The following GPHN variants were observed in gnomAD, a reference collection of about 807,000 sequenced individuals.
The protein encoded by GPHN is gephyrin.
Under a neutral mutation model 95.5 loss-of-function variants are expected in GPHN, and 17 were observed. That is an observed-to-expected ratio of 0.18 (90% CI 0.12 to 0.27). The LOEUF is 0.27. Among genes scored for constraint, GPHN ranks in the 10% least tolerant of loss-of-function variants. The pLI is 1.00. For synonymous variants in GPHN, 320 were observed against 322.5 expected, an observed-to-expected ratio of 0.99 and a Z score of 0.08; for missense variants, 660 against 978.1, an observed-to-expected ratio of 0.67 and a Z score of 4.34.
At chr14:66,864,858 G>A (rs2063168716) in intron 4 of GPHN, among the ~76,000 whole-genome samples, 1 of 152,062 alleles carries the variant, frequency 6.6e-6, no homozygotes, top group African/African-American at 2.4e-5. Context: ...GCCAAGGTGT[G>A]GAATCAACCT....
chr14:67,153,614 T>C (rs569074486), intron 18 of GPHN, among the ~76,000 whole-genome samples: 1 of 152,192 alleles, frequency 6.6e-6, no homozygotes, highest in Non-Finnish European at 1.5e-5. Context: ...TTGCATTTAC[T>C]CTCAGTTTTA....
intron 4 of GPHN, among the ~76,000 whole-genome samples, chr14:66,847,327 A>T (rs958480616): frequency 6.6e-6 from 1 of 152,186 alleles, no homozygotes; most frequent in Admixed American, 6.6e-5. Context: ...TTAAAGCAGA[A>T]AAAGCAGATT....
At chr14:67,668,240 A>G in the GPHN span, among the ~76,000 whole-genome samples, 1 of 152,246 alleles carries the variant, frequency 6.6e-6, no homozygotes, top group Admixed American at 6.5e-5. Context: ...TTAGATTAAG[A>G]AATTATAGCA....
At chr14:66,834,274 A>C (rs141761736) in intron 4 of GPHN, among the ~76,000 whole-genome samples, 1,831 of 152,292 alleles carry the variant, frequency 0.012, 19 homozygotes, top group Non-Finnish European at 0.018. Context: ...TACCCAAAAC[A>C]TACATCCTCT....
At chr14:66,676,021 T>A (rs2066565762) in intron 1 of GPHN, among the ~76,000 whole-genome samples, 1 of 152,154 alleles carries the variant, frequency 6.6e-6, no homozygotes, top group South Asian at 2.1e-4. Context: ...CTTTTATAGA[T>A]TCAGGAGGGA....
the GPHN span, chr14:67,582,417 T>C: frequency 1.2e-6 from 1 of 832,984 alleles, no homozygotes; most frequent in South Asian, 1.7e-5. The surrounding 1 kb of genome is among the most constrained non-coding windows in gnomAD (Gnocchi z 5.0). Context: ...ATGGCTGGAC[T>C]TGGAATCCAG....
rs570868227 is a variant in GPHN, at chr14:66,765,479, C to T, written c.144-10985C>T. ...ATGTCTTTTGCAGCAGCCTTTGGAG[C>T]CAGAGGCTATTATGTTAAGTGAACT... On this transcript the variant is annotated intron_variant, in intron 2 of 22. Transcript: ENST00000478722. Among the ~76,000 whole-genome samples, 3 of 152,098 alleles carry T rather than the reference C, an allele frequency of 2.0e-5. No homozygotes were observed. In the South Asian group the frequency reaches 6.2e-4, roughly 32 times the overall value.
At chr14:66,909,353 T>C (rs754934339) in intron 5 of GPHN, among the ~76,000 whole-genome samples, 12 of 152,008 alleles carry the variant, frequency 7.9e-5, no homozygotes, top group Non-Finnish European at 1.8e-4. Context: ...ATTACAAAAC[T>C]AGAAAATGAT....
chr14:67,645,036 T>C, the GPHN span, among the ~76,000 whole-genome samples: 3 of 151,892 alleles, frequency 2.0e-5, no homozygotes, highest in African/African-American at 7.2e-5. Flanking sequence ...TGCTAATATA[T>C]ATAAGGTAAC....
At chr14:67,205,935 G>T in the GPHN span, among the ~76,000 whole-genome samples, 8 of 152,176 alleles carry the variant, frequency 5.3e-5, no homozygotes, top group African/African-American at 1.9e-4. Context: ...TGTAATCCCG[G>T]CACTTTGGGA....
intron 2 of GPHN, among the ~76,000 whole-genome samples, chr14:66,715,708 T>A (rs1432992149): frequency 1.3e-5 from 2 of 152,188 alleles, no homozygotes; most frequent in Non-Finnish European, 1.5e-5. Context: ...AAATAATTTT[T>A]AAATTTCCAT....
intron 1 of GPHN, among the ~76,000 whole-genome samples, chr14:66,575,382 A>G (rs549883610): frequency 9.8e-4 from 150 of 152,294 alleles, no homozygotes; most frequent in Middle Eastern, 3.4e-3. Flanking sequence ...TGTCTTTGCC[A>G]TTTGAGAATT....
rs1168579304 is a variant in GPHN at position 66,645,934 on chromosome 14, T to C, written c.65-35173T>C. On this transcript the variant is annotated intron_variant, in intron 1 of 22. Transcript: ENST00000478722. Reference sequence around the variant, plus strand: ...ACTCTACAAATATGCCATATAATTATCATTTGAAACCACATCTTCCGTTCT... The same window carrying C: ...ACTCTACAAATATGCCATATAATTACCATTTGAAACCACATCTTCCGTTCT... 2.6e-5 allele frequency among the ~76,000 whole-genome samples: 4 copies of C among 152,028 alleles called. No homozygotes were observed. The South Asian group carries it at 8.3e-4, about 32-fold the overall frequency.
chr14:67,379,058 A>G, the GPHN span, among the ~76,000 whole-genome samples: 2 of 152,212 alleles, frequency 1.3e-5, no homozygotes, highest in Admixed American at 6.5e-5. Flanking sequence ...CTTGATCCAT[A>G]TTAATCTCTA....
At chr14:67,444,188 C>T in the GPHN span, among the ~76,000 whole-genome samples, 1 of 152,128 alleles carries the variant, frequency 6.6e-6, no homozygotes, top group African/African-American at 2.4e-5. Flanking sequence ...ATGTATAAAA[C>T]CAAGCTGTGC....
chr14:67,199,994 C>A, the GPHN span: 1 of 1,056,692 alleles, frequency 9.5e-7, no homozygotes, highest in Non-Finnish European at 1.4e-6. Context: ...ATGCAGCTGG[C>A]ACACCATGGA....
At chr14:67,249,693 C>T in the GPHN span, among the ~76,000 whole-genome samples, 4 of 152,178 alleles carry the variant, frequency 2.6e-5, no homozygotes, top group African/African-American at 9.7e-5. Context: ...ATTTGAGAAA[C>T]TTCACACAAA....
At chr14:66,789,526 C>T (rs895894107) in intron 3 of GPHN, among the ~76,000 whole-genome samples, 1 of 152,156 alleles carries the variant, frequency 6.6e-6, no homozygotes, top group African/African-American at 2.4e-5. Flanking sequence ...TAGGGTTGAT[C>T]CCTTGGAGGA....
chr14:66,774,687 A>G (rs1396212806), intron 2 of GPHN, among the ~76,000 whole-genome samples: 3 of 152,128 alleles, frequency 2.0e-5, no homozygotes, highest in Non-Finnish European at 4.4e-5. Context: ...TTTTTCTCTA[A>G]CCCAACTTTT....
Sources: allele counts gnomAD v4.1 joint callset (sites outside exome capture counted in the v4.1 genomes callset), GRCh38; gene constraint gnomAD v4.1.1; non-coding constraint Gnocchi (gnomAD v3.1); transcripts MANE v1.5; gene names NCBI Gene and HGNC (gene_info 2026-07-23, HGNC 2026-07-21).